ASTN2: variants seen among roughly 807,000 people sequenced by gnomAD.
ASTN2 encodes astrotactin-2.
ASTN2 carries 54 observed loss-of-function variants against 139.8 expected under a neutral mutation model. The ratio of observed to expected loss-of-function variants is 0.39; its 90% CI spans 0.31 to 0.48. ASTN2 has a LOEUF of 0.48. ASTN2 is among the 20% of genes least tolerant of loss of function. The pLI is 0.95. For synonymous variants in ASTN2, 756 were observed against 719.5 expected (o/e 1.05, Z -0.81); for missense variants, 1,565 against 1,725.1 (o/e 0.91, Z 1.64).
At chr9:117,295,117 T>A (rs1250003266) in intron 1 of ASTN2, among the ~76,000 whole-genome samples, 1 of 152,114 alleles carries the variant, frequency 6.6e-6, no homozygotes, top group Non-Finnish European at 1.5e-5. Context: ...AAGCCAGGCA[T>A]TTGAGACCAG....
chr9:116,586,780 T>C (rs951363414), intron 19 of ASTN2, among the ~76,000 whole-genome samples: 6 of 141,470 alleles, frequency 4.2e-5, no homozygotes, highest in African/African-American at 1.6e-4. Context: ...ATGTACCCCT[T>C]GAATCCAAAA....
intron 16 of ASTN2, among the ~76,000 whole-genome samples, chr9:116,669,174 C>G (rs1349332214): frequency 6.6e-6 from 1 of 152,124 alleles, no homozygotes; most frequent in Non-Finnish European, 1.5e-5. Flanking sequence ...TATCTTTTTC[C>G]ACAGCAACTG....
intron 16 of ASTN2, among the ~76,000 whole-genome samples, chr9:116,691,206 T>C (rs1395638355): frequency 2.6e-5 from 4 of 152,176 alleles, no homozygotes; most frequent in Non-Finnish European, 4.4e-5. Context: ...TTTGTATATT[T>C]CCTAGGATCT....
chr9:116,720,507 G>A (rs1564231099), intron 16 of ASTN2, among the ~76,000 whole-genome samples: 1 of 151,932 alleles, frequency 6.6e-6, no homozygotes, highest in Non-Finnish European at 1.5e-5. Flanking sequence ...GGATTTTGGT[G>A]TGCCTTTGTC....
rs563255889 is a variant in ASTN2, at chr9:116,815,591, G to T, written c.2207+5026C>A. Among the ~76,000 whole-genome samples the T allele has an allele frequency of 1.5e-4, 22 of 151,078 alleles. 1 individual carries two copies. The highest frequency in any genetic ancestry group is 5.3e-4 in the African/African-American group (22 of 41,156). On this transcript the variant is annotated intron_variant, in intron 12 of 22. Coordinates refer to ENST00000313400, the MANE Select transcript of ASTN2 (RefSeq NM_001365068.1). ...GAGGCTGAGGCGGGTGGATCACGAG[G>T]TCAGGAGATCGAGACCATCCTGGCA... is the stretch of plus-strand genomic sequence containing the variant.
At chr9:116,461,150 C>T (rs1340785261) in intron 20 of ASTN2, among the ~76,000 whole-genome samples, 1 of 151,870 alleles carries the variant, frequency 6.6e-6, no homozygotes, top group African/African-American at 2.4e-5. Context: ...CCAAATGGTA[C>T]ATTTCAAATA....
chr9:116,532,262 C>T (rs12376797), intron 19 of ASTN2, among the ~76,000 whole-genome samples: 31,045 of 152,062 alleles, frequency 0.2, 3,315 homozygotes, highest in Non-Finnish European at 0.23. Flanking sequence ...TGGATATTAG[C>T]CCTTTGTCAG....
At chr9:116,614,341 A>C (rs1855721498) in intron 19 of ASTN2, among the ~76,000 whole-genome samples, 15 of 152,154 alleles carry the variant, frequency 9.9e-5, no homozygotes, top group Admixed American at 9.8e-4. Context: ...CAAGCTACCA[A>C]TGACTTTCTT....
chr9:117,097,129 C>T (rs965831336), intron 4 of ASTN2, among the ~76,000 whole-genome samples: 6 of 152,094 alleles, frequency 3.9e-5, no homozygotes, highest in South Asian at 2.1e-4. Context: ...TCAGTGACCA[C>T]CTAGGTGAAT....
chr9:116,769,900 ATG>A (rs1829911316), intron 13 of ASTN2, among the ~76,000 whole-genome samples: 1 of 59,442 alleles, frequency 1.7e-5, no homozygotes, highest in Non-Finnish European at 4.6e-5. Flanking sequence ...ATATATATAT[ATG>A]GGCATGGTGG....
At chr9:117,359,955 C>A (rs1203211029) in intron 1 of ASTN2, among the ~76,000 whole-genome samples, 1 of 152,240 alleles carries the variant, frequency 6.6e-6, no homozygotes, top group Non-Finnish European at 1.5e-5. Context: ...CGGTGAACAT[C>A]GGCTTTTCTC....
intron 10 of ASTN2, among the ~76,000 whole-genome samples, chr9:116,950,013 G>C (rs1164300619): frequency 2.6e-5 from 4 of 151,338 alleles, no homozygotes; most frequent in Non-Finnish European, 5.9e-5. Flanking sequence ...TGTTATTTCA[G>C]TATCAGTTAT....
At chr9:117,205,442 C>T (rs1199066446) in intron 3 of ASTN2, among the ~76,000 whole-genome samples, 1 of 152,162 alleles carries the variant, frequency 6.6e-6, no homozygotes, top group Non-Finnish European at 1.5e-5. Flanking sequence ...AAGAGTGTTA[C>T]ATTCCCAGTT....
chr9:116,726,230 G>A (rs371691084), intron 15 of ASTN2, among the ~76,000 whole-genome samples: 1 of 152,148 alleles, frequency 6.6e-6, no homozygotes, highest in African/African-American at 2.4e-5. Flanking sequence ...ACTTAAAAAA[G>A]ATAAATCAAG....
At chr9:117,033,961 C>G (rs149561209) in intron 6 of ASTN2, among the ~76,000 whole-genome samples, 1 of 152,140 alleles carries the variant, frequency 6.6e-6, no homozygotes, top group Non-Finnish European at 1.5e-5. Context: ...GTTCCTTCAA[C>G]GCTTGTTATT....
At chr9:117,413,553 C>T (rs1483781586) in intron 1 of ASTN2, among the ~76,000 whole-genome samples, 2 of 152,348 alleles carry the variant, frequency 1.3e-5, no homozygotes, top group South Asian at 4.1e-4. Flanking sequence ...GATAATTAAG[C>T]TATCAATTAC....
chr9:116,540,769 T>G (rs1008044742), intron 19 of ASTN2: 3 of 152,218 alleles, frequency 2.0e-5, no homozygotes, highest in Non-Finnish European at 4.4e-5. Context: ...AAATTCCTTT[T>G]TAGTTGCTGG....
At chr9:116,868,298 G>A (rs1484339993) in intron 10 of ASTN2, among the ~76,000 whole-genome samples, 1 of 152,166 alleles carries the variant, frequency 6.6e-6, no homozygotes, top group African/African-American at 2.4e-5. Flanking sequence ...GGGGCTTAGG[G>A]AAGTTATGTC....
At chr9:117,401,965 G>A (rs115689691) in intron 1 of ASTN2, among the ~76,000 whole-genome samples, 2,187 of 152,290 alleles carry the variant, frequency 0.014, 52 homozygotes, top group African/African-American at 0.05. Flanking sequence ...AGAAGGGAGA[G>A]GCAGCAGGAA....
Sources: gnomAD v4.1 joint callset for allele counts (sites outside exome capture counted in the v4.1 genomes callset) on GRCh38, gnomAD v4.1.1 for gene constraint, MANE v1.5 for transcripts, NCBI Gene and HGNC (gene_info 2026-07-23, HGNC 2026-07-21) for gene names.